Variants in LEMD1 observed in about 807,000 individuals in gnomAD.
LEMD1 encodes the protein LEM domain-containing protein 1.
A neutral mutation model predicts 17.4 loss-of-function variants in LEMD1; 18 were observed. The ratio of observed to expected loss-of-function variants is 1.04; its 90% CI spans 0.72 to 1.54. The LOEUF (loss-of-function observed/expected upper bound fraction) is 1.54. Among genes scored for constraint, LEMD1 ranks in the 40% most tolerant of loss-of-function variants. LEMD1 has a pLI of 0.00. For synonymous variants in LEMD1, 88 were observed against 77.8 expected (o/e 1.13, Z -0.69); for missense variants, 195 against 210.4 (o/e 0.93, Z 0.45).
upstream of LEMD1, among the ~76,000 whole-genome samples, chr1:205,426,375 C>T (rs1038709043): frequency 6.6e-6 from 1 of 152,170 alleles, no homozygotes. Flanking sequence ...GAGAAACCAA[C>T]CAGAAACACT....
chr1:205,422,125 T>A (rs1665983367), upstream of LEMD1: 2 of 152,212 alleles, frequency 1.3e-5, no homozygotes, highest in Non-Finnish European at 2.9e-5. Context: ...ACTGACAGTG[T>A]GACATCAGTA....
chr1:205,413,991 T>C (rs767377642), intron 4 of LEMD1, among the ~76,000 whole-genome samples: 2 of 151,926 alleles, frequency 1.3e-5, no homozygotes, highest in African/African-American at 2.4e-5. Context: ...AAAAATGTGG[T>C]AGGGGGTGAG....
In LEMD1 at chr1:205,381,826, G is replaced by C; in HGVS notation, c.378C>G (p.Ile126Met). 1.9e-6 allele frequency: 3 copies of C among 1,614,124 alleles called. No individual in the cohort carries two copies. The South Asian group carries it at 3.3e-5, about 18-fold the overall frequency. ...TCTCTTTGGTGATAGTCCCATATGTGATTCTGGTGCTTGGTGCTCTTGCAG... is the reference window on the plus strand; with the variant it reads ...TCTCTTTGGTGATAGTCCCATATGTCATTCTGGTGCTTGGTGCTCTTGCAG... The part of the protein sequence containing the change: ...RWAARAPSTR[I>M]TYGTITKERD... The change falls in exon 6 of 6, where the codon ATC becomes ATG. Residue 126 changes from isoleucine to methionine, a missense_variant. By Grantham distance (10) the Ile-to-Met change is conservative. Transcript: ENST00000367153.
intron 2 of LEMD1, 50 bp downstream of exon 2, chr1:205,420,405 T>A: frequency 7.2e-7 from 1 of 1,392,710 alleles, no homozygotes; most frequent in Non-Finnish European, 1.0e-6. Context: ...GTAAGTTGTT[T>A]ATAAACCATA....
Position 205,389,037 on chromosome 1 carries a change from C to CTTTTTTTTTT in LEMD1, c.271-4683_271-4674dup, listed in dbSNP as rs61341380. ...AATCACCAAAAAGTACATTTGCTTT[C>CTTTTTTTTTT]TTTTTTTTTTTTTTTTTTTTTTTTT... On this transcript the variant is annotated intron_variant, in intron 4 of 5. Coordinates refer to ENST00000367153, the MANE Select transcript of LEMD1 (RefSeq NM_001199050.2). Among the ~76,000 whole-genome samples the CTTTTTTTTTT allele has an allele frequency of 3.0e-4, 23 of 77,850 alleles. 1 individual carries two copies. Among genetic ancestry groups the CTTTTTTTTTT allele is most frequent in the Middle Eastern group, 0.011 (1 of 94 alleles). 51.1% of individuals were successfully genotyped at this position (77,850 alleles called of 152,430 possible). A position where few individuals can be genotyped will look rare whatever the true frequency, so the allele number is the denominator to read the frequency against.
At chr1:205,397,031 A>C (rs1250025573) in intron 4 of LEMD1, among the ~76,000 whole-genome samples, 1 of 152,132 alleles carries the variant, frequency 6.6e-6, no homozygotes, top group Non-Finnish European at 1.5e-5. Context: ...ATGTCAGCCC[A>C]TTTCTAACTG....
At chr1:205,406,950 T>G (rs1005976458) in intron 4 of LEMD1, among the ~76,000 whole-genome samples, 1 of 152,182 alleles carries the variant, frequency 6.6e-6, no homozygotes, top group Non-Finnish European at 1.5e-5. Flanking sequence ...TCTTTTTGTA[T>G]GCTAATGAGT....
At chr1:205,430,224 T>C (rs1044067965) in intron 1 of LEMD1, among the ~76,000 whole-genome samples, 2 of 152,172 alleles carry the variant, frequency 1.3e-5, no homozygotes, top group African/African-American at 4.8e-5. Flanking sequence ...CACCCAAGGG[T>C]CCTCGGCTTC....
intron 4 of LEMD1, among the ~76,000 whole-genome samples, chr1:205,399,688 AGG>A (rs1488476597): frequency 6.6e-6 from 1 of 152,262 alleles, no homozygotes; most frequent in Non-Finnish European, 1.5e-5. Flanking sequence ...TCTATCTTGA[AGG>A]GGCTCCTACT....
intron 4 of LEMD1, among the ~76,000 whole-genome samples, chr1:205,408,427 A>G (rs1373626093): frequency 6.6e-6 from 1 of 152,116 alleles, no homozygotes; most frequent in Non-Finnish European, 1.5e-5. Flanking sequence ...CTATCCTTGC[A>G]AGTTTCTGTA....
At chr1:205,428,094 CT>C (rs1402121970) in intron 1 of LEMD1, among the ~76,000 whole-genome samples, 1 of 152,212 alleles carries the variant, frequency 6.6e-6, no homozygotes, top group African/African-American at 2.4e-5. Context: ...AGGCTTTATC[CT>C]AAGACAGTGG....
chr1:205,430,019 T>C (rs1163994134), intron 1 of LEMD1, among the ~76,000 whole-genome samples: 1 of 152,182 alleles, frequency 6.6e-6, no homozygotes, highest in Admixed American at 6.5e-5. Context: ...AGAGCAGACA[T>C]TGGACAGGGC....
intron 1 of LEMD1, among the ~76,000 whole-genome samples, chr1:205,449,002 T>C (rs1235998408): frequency 6.6e-6 from 1 of 152,128 alleles, no homozygotes. Flanking sequence ...ACACCCATTC[T>C]TGCATAGTTT....
intron 1 of LEMD1, among the ~76,000 whole-genome samples, chr1:205,440,039 C>T (rs1439350040): frequency 6.6e-6 from 1 of 152,096 alleles, no homozygotes; most frequent in Admixed American, 6.6e-5. Context: ...GAAGGCACCA[C>T]ATATGAACGC....
At chr1:205,400,845 C>CCA (rs1553393655) in intron 4 of LEMD1, among the ~76,000 whole-genome samples, 7 of 51,576 alleles carry the variant, frequency 1.4e-4, no homozygotes, top group Non-Finnish European at 2.2e-4. Context: ...GCTATCCCTC[C>CCA]CCCCCCCCAC....
intron 1 of LEMD1, among the ~76,000 whole-genome samples, chr1:205,427,503 G>C (rs1222708201): frequency 6.6e-6 from 1 of 151,410 alleles, no homozygotes; most frequent in African/African-American, 2.4e-5. Context: ...GAGAGAGAGA[G>C]AGAGACAGAG....
At chr1:205,449,638 A>G (rs371374897) in intron 1 of LEMD1, among the ~76,000 whole-genome samples, 3 of 152,226 alleles carry the variant, frequency 2.0e-5, no homozygotes, top group East Asian at 1.9e-4. Context: ...CACTCCAGAC[A>G]TGCCCAACCT....
At chr1:205,445,741 C>T (rs1455416745) in intron 1 of LEMD1, among the ~76,000 whole-genome samples, 5 of 152,176 alleles carry the variant, frequency 3.3e-5, no homozygotes, top group Non-Finnish European at 7.3e-5. Context: ...GCTGGCCCAC[C>T]GTAAGAGTGG....
chr1:205,406,081 T>C (rs1280579074), intron 4 of LEMD1, among the ~76,000 whole-genome samples: 1 of 152,134 alleles, frequency 6.6e-6, no homozygotes, highest in Non-Finnish European at 1.5e-5. Context: ...CTCAGAGGAG[T>C]ACCCGGCTGT....
Sources: allele counts gnomAD v4.1 joint callset (sites outside exome capture counted in the v4.1 genomes callset), GRCh38; gene constraint gnomAD v4.1.1; transcripts MANE v1.5; gene names NCBI Gene and HGNC (gene_info 2026-07-23, HGNC 2026-07-21).